The following DCLRE1C variants were observed in gnomAD, a reference collection of about 807,000 sequenced individuals.
The protein encoded by DCLRE1C is DNA cross-link repair 1C.
DCLRE1C carries 47 observed loss-of-function variants against 61.4 expected under a neutral mutation model. The observed-to-expected ratio is 0.77, with a 90% CI of 0.61 to 0.98. The LOEUF (loss-of-function observed/expected upper bound fraction) is 0.98. Among genes scored for constraint, DCLRE1C ranks in the 50% least tolerant of loss-of-function variants. The probability of loss-of-function intolerance (pLI) is 0.00; values close to 1 mark genes in which losing one functional copy is unlikely to be tolerated. For missense variants in DCLRE1C, 858 were observed against 816.0 expected, an observed-to-expected ratio of 1.05 and a Z score of -0.63; for synonymous variants, 337 against 287.6, an observed-to-expected ratio of 1.17 and a Z score of -1.74.
intron 5 of DCLRE1C, among the ~76,000 whole-genome samples, chr10:14,936,242 C>T (rs1224405262): frequency 6.6e-6 from 1 of 151,944 alleles, no homozygotes; most frequent in Non-Finnish European, 1.5e-5. Flanking sequence ...ATCTTCACCT[C>T]AGTCCCCCTA....
At chr10:14,916,610 T>C (rs1215178846) in intron 13 of DCLRE1C, among the ~76,000 whole-genome samples, 1 of 152,266 alleles carries the variant, frequency 6.6e-6, no homozygotes, top group Non-Finnish European at 1.5e-5. Context: ...ACACTCAGCC[T>C]ATATTTCTAT....
At position 14,945,651 on chromosome 10, in the gene DCLRE1C, T is replaced by C. The variant is rs527852871; in HGVS notation, c.162-462A>G. 268 of 741,378 alleles carry C rather than the reference T, an allele frequency of 3.6e-4. 3 individuals are homozygous for C. In the African/African-American group the frequency reaches 5.5e-3, roughly 15 times the overall value. The allele number at this position is 741,378 out of a possible 1,614,324, so 45.9% of individuals were successfully genotyped here. A position where few individuals can be genotyped will look rare whatever the true frequency, so the allele number is the denominator to read the frequency against. On this transcript the variant is annotated intron_variant, in intron 2 of 13. Coordinates refer to ENST00000378278, the MANE Select transcript of DCLRE1C (RefSeq NM_001033855.3). ...TTCTGCTTTTTACTGTATAAGTCTA[T>C]TCTTTTTTTTTTTTTTTTTTTTTTT...
chr10:14,948,110 C>T (rs1415130091), intron 2 of DCLRE1C, among the ~76,000 whole-genome samples: 1 of 151,732 alleles, frequency 6.6e-6, no homozygotes, highest in African/African-American at 2.4e-5. Context: ...TGCAAAGGCT[C>T]ATGCCTATAA....
intron 1 of DCLRE1C, among the ~76,000 whole-genome samples, chr10:14,953,586 G>A (rs184364759): frequency 3.3e-5 from 5 of 152,136 alleles, no homozygotes; most frequent in African/African-American, 1.2e-4. Context: ...TGGTAGCGAG[G>A]CTCTGAGGGA....
At chr10:14,943,925 G>A (rs1841275529) in intron 3 of DCLRE1C, among the ~76,000 whole-genome samples, 1 of 152,076 alleles carries the variant, frequency 6.6e-6, no homozygotes, top group African/African-American at 2.4e-5. Context: ...CCTATATATA[G>A]TCATATATAA....
At chr10:14,938,156 G>GA (rs1472486703) in intron 4 of DCLRE1C, among the ~76,000 whole-genome samples, 5 of 152,088 alleles carry the variant, frequency 3.3e-5, no homozygotes, top group Non-Finnish European at 7.3e-5. Context: ...TAAAAGTCAT[G>GA]GCACACAGGA....
At chr10:14,942,902 A>G (rs2131072867) in intron 3 of DCLRE1C, among the ~76,000 whole-genome samples, 1 of 152,258 alleles carries the variant, frequency 6.6e-6, no homozygotes, top group East Asian at 1.9e-4. Context: ...AGGCGGGAGG[A>G]TCACCTGAGG....
intron 11 of DCLRE1C, among the ~76,000 whole-genome samples, chr10:14,925,481 G>A (rs772320444): frequency 1.8e-4 from 28 of 152,130 alleles, no homozygotes; most frequent in Non-Finnish European, 2.6e-4. Flanking sequence ...AGCAAATACT[G>A]AGCCATTGCT....
At position 14,908,396 on chromosome 10, in the gene DCLRE1C, C is replaced by A. The variant is rs369509998; in HGVS notation, c.*12G>T. ...TTTTAGTGGTTGCTCTAGGTTGAAA[C>A]GCTTTGAATTCTTAGGTATCTAAGA... On this transcript the variant is annotated 3_prime_UTR_variant, in exon 14 of 14. Coordinates refer to ENST00000378278, the MANE Select transcript of DCLRE1C (RefSeq NM_001033855.3). 1.9e-6 allele frequency: 3 copies of A among 1,604,692 alleles called. No individual in the cohort carries two copies. The highest frequency in any genetic ancestry group is 2.6e-6 in the Non-Finnish European group (3 of 1,172,238).
At chr10:14,921,311 C>G (rs375920837) in intron 12 of DCLRE1C, among the ~76,000 whole-genome samples, 6 of 151,716 alleles carry the variant, frequency 4.0e-5, no homozygotes, top group Admixed American at 3.9e-4. Flanking sequence ...CAGAGCGAGA[C>G]TCCATCTCAA....
chr10:14,910,790 T>G (rs563335291), intron 13 of DCLRE1C, among the ~76,000 whole-genome samples: 26 of 152,064 alleles, frequency 1.7e-4, no homozygotes, highest in African/African-American at 6.3e-4. Context: ...CGGACTAGAT[T>G]TAACCTCCCA....
At chr10:14,937,893 C>CAAAAAAAAAAAAAAAAAAAAAAAAAA (rs749452841) in intron 4 of DCLRE1C, among the ~76,000 whole-genome samples, 1 of 40,638 alleles carries the variant, frequency 2.5e-5, no homozygotes, top group Non-Finnish European at 5.2e-5. Flanking sequence ...GGCTCAGTCT[C>CAAAAAAAAAAAAAAAAAAAAAAAAAA]AAAAAAAAAA....
chr10:14,936,902 G>C (rs1023652462), intron 4 of DCLRE1C, among the ~76,000 whole-genome samples: 4 of 152,182 alleles, frequency 2.6e-5, no homozygotes, highest in African/African-American at 9.7e-5. Context: ...GGTGGAACCA[G>C]TTCAAATGTC....
intron 13 of DCLRE1C, among the ~76,000 whole-genome samples, chr10:14,914,178 G>A (rs1051388403): frequency 2.6e-5 from 4 of 152,108 alleles, no homozygotes; most frequent in African/African-American, 9.7e-5. Flanking sequence ...ATAAAGACTA[G>A]TTAAAAATAC....
rs1255296829 is a variant in DCLRE1C, at chr10:14,919,847, A to G, written c.1062-15T>C. 1.3e-6 allele frequency: 2 copies of G among 1,594,494 alleles called. No individual in the cohort carries two copies. Among genetic ancestry groups the G allele is most frequent in the East Asian group, 2.2e-5 (1 of 44,806 alleles). Reference sequence around the variant, plus strand: ...AAGGCTTTAAGCTGAAATGAATCAGAATATTTGATTTTTCCTTTTGAGGAA... The same window carrying G: ...AAGGCTTTAAGCTGAAATGAATCAGGATATTTGATTTTTCCTTTTGAGGAA... On this transcript the variant is annotated splice_polypyrimidine_tract_variant and intron_variant, in intron 12 of 13. Coordinates refer to ENST00000378278, the MANE Select transcript of DCLRE1C (RefSeq NM_001033855.3).
rs41296958 is a variant in DCLRE1C, at chr10:14,943,459, T to C, written c.246+1646A>G. Among the ~76,000 whole-genome samples the C allele has an allele frequency of 6.5e-3, 985 of 152,302 alleles. 14 individuals carry two copies. The highest frequency in any genetic ancestry group is 0.021 in the African/African-American group (890 of 41,558). On this transcript the variant is annotated intron_variant, in intron 3 of 13. Coordinates refer to ENST00000378278, the MANE Select transcript of DCLRE1C (RefSeq NM_001033855.3). ...TGGCCTTCTGATTGGTTAGTAATTTTTTCTTCTTCCCCCAAAATTTCAAAT... is the reference window on the plus strand; with the variant it reads ...TGGCCTTCTGATTGGTTAGTAATTTCTTCTTCTTCCCCCAAAATTTCAAAT...
At chr10:14,946,641 C>T (rs1402928903) in intron 2 of DCLRE1C, among the ~76,000 whole-genome samples, 1 of 151,028 alleles carries the variant, frequency 6.6e-6, no homozygotes, top group Non-Finnish European at 1.5e-5. Flanking sequence ...CAGGTCTGGC[C>T]ATCCTGACAG....
intron 3 of DCLRE1C, among the ~76,000 whole-genome samples, chr10:14,944,303 T>C (rs1306915810): frequency 2.6e-5 from 4 of 152,096 alleles, no homozygotes; most frequent in Non-Finnish European, 5.9e-5. Flanking sequence ...GTTTGAGACC[T>C]GCCTGACCAA....
At chr10:14,937,496 C>A (rs1840137259) in intron 4 of DCLRE1C, among the ~76,000 whole-genome samples, 1 of 151,906 alleles carries the variant, frequency 6.6e-6, no homozygotes, top group South Asian at 2.1e-4. Context: ...GTTCGCCAGG[C>A]CAGTCTTGAA....
Sources: allele counts gnomAD v4.1 joint callset (sites outside exome capture counted in the v4.1 genomes callset), GRCh38; gene constraint gnomAD v4.1.1; transcripts MANE v1.5; gene names NCBI Gene and HGNC (gene_info 2026-07-23, HGNC 2026-07-21).